The following EPHA5 variants were observed in gnomAD, a reference collection of about 807,000 sequenced individuals.
The protein encoded by EPHA5 is EPH receptor A5.
Under a neutral mutation model 105.0 loss-of-function variants are expected in EPHA5, and 60 were observed. The observed-to-expected ratio is 0.57, with a 90% CI of 0.46 to 0.71. The LOEUF is 0.71. Ranked by LOEUF, EPHA5 falls within the 30% of genes least tolerant of loss-of-function variation. The pLI is 0.00. For missense variants in EPHA5, 1,218 were observed against 1,274.7 expected (o/e 0.96, Z 0.68); for synonymous variants, 513 against 449.1 (o/e 1.14, Z -1.80).
intron 2 of EPHA5, among the ~76,000 whole-genome samples, chr4:65,623,452 C>A (rs978624098): frequency 4.6e-5 from 7 of 152,026 alleles, no homozygotes; most frequent in African/African-American, 7.2e-5. Flanking sequence ...GAAAATAGTT[C>A]TCTTCACATA....
chr4:65,414,414 T>C lies in EPHA5; in HGVS notation c.1557A>G (p.Lys519=), dbSNP rs540728409. ...CTGCAGTAATAGTTGTCTCTTTAGA[T>C]TTGATAATCGTGTAGCTGGTCTCTT... The part of the protein sequence containing the change: ...KDQETSYTII[K]SKETTITAEG... The change falls in exon 7 of 17, where the codon AAA becomes AAG. Residue 519 remains lysine (K), a synonymous_variant. Coordinates refer to ENST00000613740, the MANE Select transcript of EPHA5 (RefSeq NM_001281766.3). 8.7e-6 allele frequency: 14 copies of C among 1,613,970 alleles called. No homozygotes were observed. In the Admixed American group the frequency reaches 1.2e-4, roughly 13 times the overall value.
In EPHA5 at chr4:65,320,594, A is replaced by G; in HGVS notation, c.*3520T>C. On this transcript the variant is annotated 3_prime_UTR_variant, in exon 17 of 17. Transcript: ENST00000613740. ...CCAAAAATGTCTTCAGAAGGTAAAT[A>G]TCTGTGCTTGTGCTTCTGAGAACCC... The G allele has an allele frequency of 4.3e-6, 1 of 229,892 alleles. No individual in the cohort carries two copies. Among genetic ancestry groups the G allele is most frequent in the Non-Finnish European group, 8.6e-6 (1 of 115,860 alleles). The allele number at this position is 229,892 out of a possible 1,614,324, so 14.2% of individuals were successfully genotyped here.
intron 5 of EPHA5, among the ~76,000 whole-genome samples, chr4:65,435,658 A>C (rs763168400): frequency 7.9e-5 from 12 of 152,056 alleles, no homozygotes; most frequent in Non-Finnish European, 1.8e-4. Flanking sequence ...GAAACCCCAG[A>C]TCTGGAGTTG....
intron 5 of EPHA5, among the ~76,000 whole-genome samples, chr4:65,443,936 C>T (rs142636042): frequency 0.016 from 2,426 of 148,276 alleles, 29 homozygotes; most frequent in Non-Finnish European, 0.027. Context: ...TGTGCGTGCA[C>T]GTGTGCACGC....
At chr4:65,478,777 C>T (rs1012408819) in intron 5 of EPHA5, among the ~76,000 whole-genome samples, 2 of 151,854 alleles carry the variant, frequency 1.3e-5, no homozygotes, top group African/African-American at 4.8e-5. Context: ...CGGCTTTGAC[C>T]CTGTTAATAC....
intron 5 of EPHA5, among the ~76,000 whole-genome samples, chr4:65,454,523 T>A (rs1727384603): frequency 6.6e-6 from 1 of 152,134 alleles, no homozygotes; most frequent in African/African-American, 2.4e-5. Flanking sequence ...GCCACAGAGA[T>A]TTCCATAGAT....
At chr4:65,537,979 A>G (rs1163753499) in intron 3 of EPHA5, among the ~76,000 whole-genome samples, 1 of 151,832 alleles carries the variant, frequency 6.6e-6, no homozygotes, top group Non-Finnish European at 1.5e-5. Flanking sequence ...GGGGTGGCTT[A>G]TTAAAATACT....
At chr4:65,406,985 C>G (rs1722423957) in intron 7 of EPHA5, among the ~76,000 whole-genome samples, 2 of 151,922 alleles carry the variant, frequency 1.3e-5, no homozygotes, top group African/African-American at 4.8e-5. Context: ...ATGTTTCTCC[C>G]CATACATCAA....
At chr4:65,399,530 A>G (rs1437487115) in intron 8 of EPHA5, among the ~76,000 whole-genome samples, 2 of 152,242 alleles carry the variant, frequency 1.3e-5, no homozygotes, top group African/African-American at 4.8e-5. Flanking sequence ...GAATCCTGTG[A>G]CAAAATCATA....
At chr4:65,489,052 AT>A (rs1054466247) in intron 5 of EPHA5, among the ~76,000 whole-genome samples, 3 of 147,208 alleles carry the variant, frequency 2.0e-5, no homozygotes, top group African/African-American at 4.9e-5. Flanking sequence ...TGCCCGGCTA[AT>A]TTTTTTTATT....
chr4:65,536,198 C>T (rs1412204914), intron 3 of EPHA5, among the ~76,000 whole-genome samples: 1 of 151,882 alleles, frequency 6.6e-6, no homozygotes, highest in Non-Finnish European at 1.5e-5. Flanking sequence ...CGCTGCCCCA[C>T]AGTGCTTTGA....
At chr4:65,489,305 C>T (rs1044850753) in intron 5 of EPHA5, among the ~76,000 whole-genome samples, 12 of 152,174 alleles carry the variant, frequency 7.9e-5, no homozygotes, top group Non-Finnish European at 1.8e-4. Flanking sequence ...ACAGCATTCC[C>T]ACATCAAGGC....
chr4:65,482,941 A>G (rs62299161), intron 5 of EPHA5, among the ~76,000 whole-genome samples: 31,837 of 151,172 alleles, frequency 0.21, 4,102 homozygotes, highest in Middle Eastern at 0.35. Context: ...TACATGTGCC[A>G]TGTTGGTGTG....
rs922472880 is a variant in EPHA5, at chr4:65,502,426, C to T, written c.911-6883G>A. On this transcript the variant is annotated intron_variant, in intron 3 of 16. Coordinates refer to ENST00000613740, the MANE Select transcript of EPHA5 (RefSeq NM_001281766.3). ...ACAAGCAAAAAAAAAATATATAGCC[C>T]CATTAAAAAGCAGGCAAAATACATG... 2.6e-5 allele frequency among the ~76,000 whole-genome samples: 4 copies of T among 151,284 alleles called. No individual in the cohort carries two copies. In the East Asian group the frequency reaches 5.8e-4, roughly 22 times the overall value.
intron 3 of EPHA5, among the ~76,000 whole-genome samples, chr4:65,553,053 C>A (rs1421279116): frequency 1.3e-5 from 2 of 151,988 alleles, no homozygotes; most frequent in African/African-American, 2.4e-5. Context: ...CAATGAAAAT[C>A]ACAGTTGTCA....
At chr4:65,411,560 A>G (rs17086207) in intron 7 of EPHA5, among the ~76,000 whole-genome samples, 22,533 of 152,076 alleles carry the variant, frequency 0.15, 1,894 homozygotes, top group East Asian at 0.23. Context: ...CTTAGTACAG[A>G]TGGCTCATTA....
chr4:65,603,316 T>A (rs2149444181), intron 2 of EPHA5, among the ~76,000 whole-genome samples: 1 of 119,666 alleles, frequency 8.4e-6, no homozygotes, highest in Admixed American at 9.7e-5. Flanking sequence ...GAAGTAATTA[T>A]AATTTAAGGA....
chr4:65,463,415 T>A (rs890241516), intron 5 of EPHA5, among the ~76,000 whole-genome samples: 8 of 152,202 alleles, frequency 5.3e-5, no homozygotes, highest in Non-Finnish European at 1.5e-5. Flanking sequence ...TCCAGTCATG[T>A]GTTTTAGAAA....
In EPHA5 at chr4:65,365,167, G is replaced by T. The variant is rs763445889; in HGVS notation, c.2023C>A (p.Leu675Ile). The T allele has an allele frequency of 6.2e-7, 1 of 1,610,922 alleles. No homozygotes were observed. The highest frequency in any genetic ancestry group is 8.5e-7 in the Non-Finnish European group (1 of 1,178,018). The change falls in exon 11 of 17, where the codon CTA becomes ATA. Residue 675 changes from leucine to isoleucine, a missense_variant. Around this residue, in one of 3 missense-constraint regions of EPHA5, gnomAD observed 971 missense variants for 1,013.5 expected, o/e 0.96. Coordinates refer to ENST00000613740, the MANE Select transcript of EPHA5 (RefSeq NM_001281766.3). ...ACAGGTAATTCTCTTTTTCCTGGTA[G>T]TTTCAAACGTCCACTACAAACTTCA... Reference protein sequence around the residue: ...FGEVCSGRLKLPGKRELPVAI... With the variant: ...FGEVCSGRLKIPGKRELPVAI...
Sources: allele counts gnomAD v4.1 joint callset (sites outside exome capture counted in the v4.1 genomes callset), GRCh38; gene constraint gnomAD v4.1.1; regional missense constraint gnomAD v4.1.1; transcripts MANE v1.5; gene names NCBI Gene and HGNC (gene_info 2026-07-23, HGNC 2026-07-21).